The following CPNE7 variants were observed in gnomAD, a reference collection of about 807,000 sequenced individuals.
CPNE7 encodes the protein copine 7.
CPNE7 carries 78 observed loss-of-function variants against 66.5 expected under a neutral mutation model. The observed-to-expected ratio is 1.17, with a 90% CI of 0.98 to 1.42. CPNE7 has a LOEUF of 1.42. CPNE7 is among the 40% of genes most tolerant of loss of function. The pLI, the probability that CPNE7 is intolerant of heterozygous loss-of-function variation, is 0.00. For missense variants in CPNE7, 1,012 were observed against 776.6 expected (o/e 1.30, Z -3.60); for synonymous variants, 468 against 336.7 (o/e 1.39, Z -4.27).
At chr16:89,577,042 G>A (rs1292688847) in intron 1 of CPNE7, among the ~76,000 whole-genome samples, 1 of 152,216 alleles carries the variant, frequency 6.6e-6, no homozygotes, top group Non-Finnish European at 1.5e-5. Flanking sequence ...TGAGGTGCAG[G>A]ATTTTTCAGG....
At chr16:89,581,050 A>ATCACCCG (rs2058948940) in intron 2 of CPNE7, among the ~76,000 whole-genome samples, 1 of 127,454 alleles carries the variant, frequency 7.8e-6, no homozygotes, top group Non-Finnish European at 1.6e-5. Flanking sequence ...CCCGTAACCC[A>ATCACCCG]TCACATGGAA....
chr16:89,583,699 T>C lies in CPNE7; in HGVS notation c.360T>C (p.Ile120=), dbSNP rs779864662. 5 of 1,612,672 alleles carry C rather than the reference T, an allele frequency of 3.1e-6. No individual in the cohort carries two copies. The Admixed American group carries it at 5.0e-5, about 16-fold the overall frequency. ...TGCCTGACGCCTCTGACTTACAGATTGTGGCCCAGAAGAAGGTGACCCGCC... is the reference window on the plus strand; with the variant it reads ...TGCCTGACGCCTCTGACTTACAGATCGTGGCCCAGAAGAAGGTGACCCGCC... The part of the protein sequence containing the change: ...LGGMECTLGQ[I]VAQKKVTRPL... The change falls in exon 3 of 15, where the codon ATT becomes ATC. Residue 120 remains isoleucine (I), a splice_region_variant and synonymous_variant. Coordinates refer to ENST00000319518, the MANE Select transcript of CPNE7 (RefSeq NM_153636.3).
At chr16:89,587,445 T>C (rs2059072516) in intron 9 of CPNE7, 3 of 402,410 alleles carry the variant, frequency 7.5e-6, no homozygotes, top group Non-Finnish European at 1.5e-5. Flanking sequence ...CTGGGGGTCC[T>C]CCCTTTTGCG....
In CPNE7 at chr16:89,596,656, A is replaced by T. The variant is rs1325165659; in HGVS notation, c.*35A>T. ...GGGCGTAGGGTGGGGGCAGTGAGGA[A>T]TGGGTCCGTACAGCCTCTGTCTGCA... On this transcript the variant is annotated 3_prime_UTR_variant, in exon 15 of 15. Coordinates refer to ENST00000319518, the MANE Select transcript of CPNE7 (RefSeq NM_153636.3). 1 of 1,558,646 alleles carries T rather than the reference A, an allele frequency of 6.4e-7. No homozygotes were observed. Among genetic ancestry groups the T allele is most frequent in the Non-Finnish European group, 8.6e-7 (1 of 1,160,630 alleles).
At chr16:89,583,914 A>G in intron 3 of CPNE7, 114 bp from the exon 4 acceptor site, 1 of 1,455,068 alleles carries the variant, frequency 6.9e-7, no homozygotes, top group Non-Finnish European at 9.4e-7. Context: ...GGGTACACAG[A>G]CACCTCCTCT....
intron 1 of CPNE7, among the ~76,000 whole-genome samples, chr16:89,577,177 C>T (rs1472544978): frequency 6.6e-6 from 1 of 152,170 alleles, no homozygotes; most frequent in Admixed American, 6.5e-5. Context: ...GGGAGGGCCC[C>T]CCTGTACCCT....
chr16:89,588,416 G>A lies in CPNE7; in HGVS notation c.928-259G>A, dbSNP rs1173621454. Among the ~76,000 whole-genome samples, 8 of 152,288 alleles carry A rather than the reference G, an allele frequency of 5.3e-5. No homozygotes were observed. In the East Asian group the frequency reaches 1.4e-3, roughly 26 times the overall value. On this transcript the variant is annotated intron_variant, in intron 9 of 14. Coordinates refer to ENST00000319518, the MANE Select transcript of CPNE7 (RefSeq NM_153636.3). ...GCGGCCACTAAGAAGGATGGGCGGGGCCCCCACAAGGCCAGGGTGATCCTG... is the reference window on the plus strand; with the variant it reads ...GCGGCCACTAAGAAGGATGGGCGGGACCCCCACAAGGCCAGGGTGATCCTG...
At chr16:89,590,045 G>T in intron 11 of CPNE7, 94 bp downstream of exon 11, 1 of 1,397,090 alleles carries the variant, frequency 7.2e-7, no homozygotes, top group Non-Finnish European at 1.0e-6. Context: ...CTGGCTGCCT[G>T]CTGGGAACCG....
intron 10 of CPNE7, among the ~76,000 whole-genome samples, chr16:89,589,086 G>A (rs2059131172): frequency 6.6e-6 from 1 of 152,226 alleles, no homozygotes; most frequent in Admixed American, 6.5e-5. Context: ...GAGGTCAGGA[G>A]TTTGAGACCA....
chr16:89,596,772 G>A lies in CPNE7; in HGVS notation c.*151G>A. On this transcript the variant is annotated 3_prime_UTR_variant, in exon 15 of 15. Coordinates refer to ENST00000319518, the MANE Select transcript of CPNE7 (RefSeq NM_153636.3). ...CTCCCAGTCCTCCTGGGATCCTGCTGGCTTGGGCCCGGCTCTGGGGCCCCC... is the reference window on the plus strand; with the variant it reads ...CTCCCAGTCCTCCTGGGATCCTGCTAGCTTGGGCCCGGCTCTGGGGCCCCC... 2.8e-6 allele frequency: 3 copies of A among 1,082,458 alleles called. No homozygotes were observed. In the African/African-American group the frequency reaches 4.9e-5, roughly 18 times the overall value. 67.1% of individuals were successfully genotyped at this position (1,082,458 alleles called of 1,614,324 possible). A position where few individuals can be genotyped will look rare whatever the true frequency, so the allele number is the denominator to read the frequency against.
rs1177941899 is a variant in CPNE7, at chr16:89,588,802, A to G, written c.1055A>G (p.Tyr352Cys). The part of the protein sequence containing the change: ...LVSVGEICQD[Y>C]DSDKRFSALG... The stretch of plus-strand genomic sequence containing the variant: ...TCCGTGGGCGAGATCTGCCAGGACT[A>G]TGACAGGTGCGCCCACCACCTTCCC... The change falls in exon 10 of 15, where the codon TAT becomes TGT. Residue 352 changes from tyrosine (Y) to cysteine (C), a missense_variant. Transcript: ENST00000319518. The G allele has an allele frequency of 8.1e-6, 13 of 1,613,334 alleles. No homozygotes were observed. The Admixed American group carries it at 1.2e-4, about 14-fold the overall frequency.
In CPNE7 at chr16:89,575,854, G is replaced by C; in HGVS notation, c.-44G>C. The C allele has an allele frequency of 8.5e-7, 1 of 1,172,452 alleles. No individual in the cohort carries two copies. Among genetic ancestry groups the C allele is most frequent in the Non-Finnish European group, 1.1e-6 (1 of 949,622 alleles). 72.6% of individuals were successfully genotyped at this position (1,172,452 alleles called of 1,614,324 possible). On this transcript the variant is annotated 5_prime_UTR_variant, in exon 1 of 15. Coordinates refer to ENST00000319518, the MANE Select transcript of CPNE7 (RefSeq NM_153636.3). ...CCGCGGCGGCGCCGACTCGCGGGCA[G>C]CGGCCCCTCAGTGCGCCCAGCCGGG...
At chr16:89,587,128 C>T (rs1215461769) in intron 9 of CPNE7, 26 bp downstream of exon 9, 44 of 1,335,990 alleles carry the variant, frequency 3.3e-5, no homozygotes, top group Middle Eastern at 2.5e-4. Flanking sequence ...CGCCCCATGC[C>T]GCCCCCTCAG....
At chr16:89,579,012 CG>C in intron 2 of CPNE7, 1 of 1,580,890 alleles carries the variant, frequency 6.3e-7, no homozygotes, top group Non-Finnish European at 8.6e-7. Flanking sequence ...ATTTACAGGC[CG>C]GGCACGGTGG....
At chr16:89,578,924 A>G in intron 2 of CPNE7, 1 of 1,613,862 alleles carries the variant, frequency 6.2e-7, no homozygotes, top group South Asian at 1.1e-5. Context: ...CCTGCTGGAC[A>G]CTGCGCTAAG....
intron 6 of CPNE7, 44 bp from the exon 7 acceptor site, chr16:89,585,643 T>C (rs2151438503): frequency 1.3e-6 from 2 of 1,552,968 alleles, no homozygotes; most frequent in Non-Finnish European, 1.7e-6. Flanking sequence ...GGGAGGGTCC[T>C]GGGGCCCCCA....
chr16:89,593,151 G>C (rs865917868), intron 13 of CPNE7, among the ~76,000 whole-genome samples: 1 of 151,852 alleles, frequency 6.6e-6, no homozygotes, highest in African/African-American at 2.4e-5. Context: ...TCAGAGGCAC[G>C]AGGTACATTC....
intron 8 of CPNE7, 49 bp downstream of exon 8, chr16:89,586,805 C>A: frequency 6.8e-7 from 1 of 1,481,334 alleles, no homozygotes; most frequent in Non-Finnish European, 9.4e-7. Flanking sequence ...GAGGGGCTTC[C>A]GCTGCCTCCC....
intron 3 of CPNE7, 35 bp from the exon 4 acceptor site, chr16:89,583,993 T>C (rs1206043577): frequency 1.9e-6 from 3 of 1,609,116 alleles, no homozygotes. Flanking sequence ...AGGCCCCACC[T>C]GGCCAAGCCT....
Sources: gnomAD v4.1 joint callset for allele counts (sites outside exome capture counted in the v4.1 genomes callset) on GRCh38, gnomAD v4.1.1 for gene constraint, MANE v1.5 for transcripts, NCBI Gene and HGNC (gene_info 2026-07-23, HGNC 2026-07-21) for gene names.